The following TCHP variants were observed in gnomAD, a reference collection of about 807,000 sequenced individuals.
The protein encoded by TCHP is trichoplein keratin filament binding, also known as trichoplein keratin filament-binding protein.
Under a neutral mutation model 88.7 loss-of-function variants are expected in TCHP, and 81 were observed. The ratio of observed to expected loss-of-function variants is 0.91; its 90% CI spans 0.76 to 1.10. The LOEUF is 1.10. Ranked by LOEUF, TCHP falls within the 50% of genes least tolerant of loss-of-function variation. The probability of loss-of-function intolerance (pLI) is 0.00; values close to 1 mark genes in which losing one functional copy is unlikely to be tolerated. For synonymous variants in TCHP, 232 were observed against 232.5 expected (o/e 1.00, Z 0.02); for missense variants, 641 against 632.1 (o/e 1.01, Z -0.15).
chr12:109,911,196 T>C lies in TCHP; in HGVS notation c.1013T>C (p.Leu338Pro). The stretch of plus-strand genomic sequence containing the variant: ...CAGGCCATTGAGGAGCAGCTGCAGC[T>C]GGAGCGGGCGCGGGAGGCAGAGCTG... ...MKQAIEEQLQLERAREAELQM... is the reference protein window; with the variant it reads ...MKQAIEEQLQPERAREAELQM... Residue 338 changes from leucine to proline, a missense_variant, in exon 9 of 13, where the codon CTG becomes CCG. Coordinates refer to ENST00000405876, the MANE Select transcript of TCHP (RefSeq NM_001143852.2). 1.3e-6 allele frequency: 2 copies of C among 1,589,436 alleles called. No individual in the cohort carries two copies. The highest frequency in any genetic ancestry group is 1.7e-6 in the Non-Finnish European group (2 of 1,170,604).
At chr12:109,911,857 C>T (rs1228385454) in intron 9 of TCHP, among the ~76,000 whole-genome samples, 1 of 151,762 alleles carries the variant, frequency 6.6e-6, no homozygotes, top group East Asian at 2.0e-4. Flanking sequence ...AGTGCAGTGG[C>T]ATGATCTCGG....
At chr12:109,896,225 G>C (rs1353141592), upstream of TCHP, among the ~76,000 whole-genome samples, 4 of 152,170 alleles carry the variant, frequency 2.6e-5, no homozygotes, top group Non-Finnish European at 5.9e-5. Context: ...GGCATTACAG[G>C]CGTGAGCCAC....
chr12:109,911,708 G>T (rs1015127501), intron 9 of TCHP, among the ~76,000 whole-genome samples: 1 of 152,008 alleles, frequency 6.6e-6, no homozygotes, highest in Non-Finnish European at 1.5e-5. Context: ...CTGGCCTCTG[G>T]GGGTGTTTCC....
the TCHP span, among the ~76,000 whole-genome samples, chr12:109,882,191 C>G: frequency 6.6e-6 from 1 of 152,042 alleles, no homozygotes; most frequent in African/African-American, 2.4e-5. Flanking sequence ...GAGCTGAGAC[C>G]TAGAGGAGAA....
At chr12:109,895,168 A>G in the TCHP span, among the ~76,000 whole-genome samples, 2 of 151,924 alleles carry the variant, frequency 1.3e-5, no homozygotes, top group South Asian at 4.1e-4. Context: ...ACAGTTCCCC[A>G]GCTGAAGTAA....
At chr12:109,893,010 G>A in the TCHP span, among the ~76,000 whole-genome samples, 1 of 152,138 alleles carries the variant, frequency 6.6e-6, no homozygotes, top group Non-Finnish European at 1.5e-5. Context: ...CCATTTCTGA[G>A]CCCCCATTTC....
chr12:109,900,026 C>G (rs1377596345), upstream of TCHP, among the ~76,000 whole-genome samples: 1 of 152,170 alleles, frequency 6.6e-6, no homozygotes. Flanking sequence ...TGGTGATTCT[C>G]ACGCGCAGCC....
At chr12:109,898,459 C>T (rs970303401), upstream of TCHP, among the ~76,000 whole-genome samples, 2 of 152,230 alleles carry the variant, frequency 1.3e-5, no homozygotes, top group Non-Finnish European at 2.9e-5. Flanking sequence ...ATCCGCCAGC[C>T]TTGGCCTCCC....
Position 109,911,209 on chromosome 12 carries a change from G to T in TCHP, c.1026G>T (p.Arg342=). 6.3e-7 allele frequency: 1 copy of T among 1,583,432 alleles called. No individual in the cohort carries two copies. The highest frequency in any genetic ancestry group is 8.6e-7 in the Non-Finnish European group (1 of 1,167,416). Residue 342 remains arginine (R), a synonymous_variant, in exon 9 of 13, where the codon CGG becomes CGT. Transcript: ENST00000405876. The part of the protein sequence containing the change: ...IEEQLQLERA[R]EAELQMLLRE... ...AGCAGCTGCAGCTGGAGCGGGCGCG[G>T]GAGGCAGAGCTGCAGATGCTGCTGA... is the stretch of plus-strand genomic sequence containing the variant.
At chr12:109,909,564 A>G (rs780010599) in intron 8 of TCHP, among the ~76,000 whole-genome samples, 1 of 152,220 alleles carries the variant, frequency 6.6e-6, no homozygotes, top group Non-Finnish European at 1.5e-5. Context: ...TCCCGCCTAT[A>G]ATCCCAGCAC....
chr12:109,892,450 G>T, the TCHP span, among the ~76,000 whole-genome samples: 2 of 152,296 alleles, frequency 1.3e-5, no homozygotes, highest in East Asian at 3.9e-4. Flanking sequence ...ACCAGACCAG[G>T]CTGGACACAG....
At chr12:109,896,423 G>A (rs1869558634), upstream of TCHP, among the ~76,000 whole-genome samples, 2 of 152,100 alleles carry the variant, frequency 1.3e-5, no homozygotes. Context: ...TGCAAAATGG[G>A]GGCAGGAACA....
At position 109,906,652 on chromosome 12, in the gene TCHP, G is replaced by T. The variant is rs1870145492; in HGVS notation, c.525+12G>T. The T allele has an allele frequency of 6.2e-7, 1 of 1,602,676 alleles. No individual in the cohort carries two copies. ...AAGAAAAAAAACAGGTGTGGTATGT[G>T]GCTCTGGGAATAGCCGCGTATTCTG... is the stretch of plus-strand genomic sequence containing the variant. On this transcript the variant is annotated intron_variant, in intron 5 of 12. Transcript: ENST00000405876.
chr12:109,886,238 A>G, the TCHP span, among the ~76,000 whole-genome samples: 1 of 152,060 alleles, frequency 6.6e-6, no homozygotes, highest in African/African-American at 2.4e-5. Flanking sequence ...CCCAGGTTCA[A>G]TCGATTCTTC....
At position 109,912,131 on chromosome 12, in the gene TCHP, C is replaced by T. The variant is rs577345950; in HGVS notation, c.1053-860C>T. ...TTATAGAGATGTTGAATGCTGCTTACATCTATAAAACTGAGTTTGGGTCCT... is the reference window on the plus strand; with the variant it reads ...TTATAGAGATGTTGAATGCTGCTTATATCTATAAAACTGAGTTTGGGTCCT... On this transcript the variant is annotated intron_variant, in intron 9 of 12. Transcript: ENST00000405876. Among the ~76,000 whole-genome samples, 4 of 152,296 alleles carry T rather than the reference C, an allele frequency of 2.6e-5. No homozygotes were observed. The South Asian group carries it at 8.3e-4, about 32-fold the overall frequency.
intron 1 of TCHP, chr12:109,900,778 A>C (rs1869742323): frequency 6.6e-6 from 1 of 152,256 alleles, no homozygotes; most frequent in African/African-American, 2.4e-5. Context: ...ACACGTTAGC[A>C]GCCTGCCGGC....
chr12:109,904,865 A>G, intron 4 of TCHP, 72 bp downstream of exon 4: 2 of 1,396,864 alleles, frequency 1.4e-6, no homozygotes, highest in Non-Finnish European at 2.0e-6. Flanking sequence ...TTTTTTTTGA[A>G]CACGTATCTT....
In TCHP at chr12:109,903,356, GA is replaced by G; in HGVS notation, c.188+149del. 1.4e-5 allele frequency: 10 copies of G among 738,424 alleles called. No individual in the cohort carries two copies. Among genetic ancestry groups the G allele is most frequent in the Non-Finnish European group, 1.7e-5 (8 of 463,558 alleles). The allele number at this position is 738,424 out of a possible 1,614,324, so 45.7% of individuals were successfully genotyped here. A position where few individuals can be genotyped will look rare whatever the true frequency, so the allele number is the denominator to read the frequency against. On this transcript the variant is annotated intron_variant, in intron 2 of 12. Transcript: ENST00000405876. This position sits in a 1 kb window ranked among gnomAD's most constrained non-coding sequence, Gnocchi z 4.6. ...GGTGATGTTTTTCCAGCTGGAAATG[GA>G]AAAAAAGATCATCAGTGCAGCCATA...
intron 8 of TCHP, among the ~76,000 whole-genome samples, chr12:109,910,657 A>G (rs901062820): frequency 3.3e-5 from 5 of 152,188 alleles, no homozygotes; most frequent in Admixed American, 1.3e-4. Flanking sequence ...TTCCCCACCA[A>G]GGAGCATTTT....
Sources: allele counts gnomAD v4.1 joint callset (sites outside exome capture counted in the v4.1 genomes callset), GRCh38; gene constraint gnomAD v4.1.1; non-coding constraint Gnocchi (gnomAD v3.1); transcripts MANE v1.5; gene names NCBI Gene and HGNC (gene_info 2026-07-23, HGNC 2026-07-21).